Variants in DOK6 observed in about 807,000 individuals in gnomAD.
DOK6 encodes docking protein 6.
A neutral mutation model predicts 44.0 loss-of-function variants in DOK6; 22 were observed. That is an observed-to-expected ratio of 0.50 (90% CI 0.36 to 0.71). The LOEUF (loss-of-function observed/expected upper bound fraction) is 0.71. DOK6 is among the 30% of genes least tolerant of loss of function. DOK6 has a pLI of 0.00. For synonymous variants in DOK6, 166 were observed against 145.5 expected, an observed-to-expected ratio of 1.14 and a Z score of -1.01; for missense variants, 340 against 416.4, an observed-to-expected ratio of 0.82 and a Z score of 1.60.
intron 1 of DOK6, among the ~76,000 whole-genome samples, chr18:69,492,195 T>C (rs138257530): frequency 3.3e-5 from 5 of 152,234 alleles, no homozygotes; most frequent in South Asian, 2.1e-4. Context: ...ATAGGAACCA[T>C]AAAAATCACA....
intron 3 of DOK6, among the ~76,000 whole-genome samples, chr18:69,637,420 T>A (rs1409376217): frequency 6.6e-6 from 1 of 152,228 alleles, no homozygotes; most frequent in Non-Finnish European, 1.5e-5. Context: ...TTTAATTCAG[T>A]GATTACCAAA....
At chr18:69,786,343 G>A (rs1042765980) in intron 7 of DOK6, among the ~76,000 whole-genome samples, 1 of 152,156 alleles carries the variant, frequency 6.6e-6, no homozygotes, top group African/African-American at 2.4e-5. Context: ...TCATATGTTA[G>A]ACTGCTTCCC....
At chr18:69,534,684 G>A (rs1281696721) in intron 1 of DOK6, among the ~76,000 whole-genome samples, 2 of 151,932 alleles carry the variant, frequency 1.3e-5, no homozygotes. Flanking sequence ...AAAGGAGTAT[G>A]CCAGCAGATG....
intron 7 of DOK6, among the ~76,000 whole-genome samples, chr18:69,779,936 CAAATT>C (rs1405252480): frequency 6.6e-6 from 1 of 151,910 alleles, no homozygotes. Context: ...AAAAATAACT[CAAATT>C]CAATCATAGT....
chr18:69,692,249 AT>A (rs1986284654), intron 4 of DOK6, among the ~76,000 whole-genome samples: 1 of 152,196 alleles, frequency 6.6e-6, no homozygotes, highest in African/African-American at 2.4e-5. Context: ...AAAATTATCA[AT>A]TACACCAGTC....
At chr18:69,786,229 A>C (rs1446595906) in intron 7 of DOK6, among the ~76,000 whole-genome samples, 1 of 152,230 alleles carries the variant, frequency 6.6e-6, no homozygotes, top group Non-Finnish European at 1.5e-5. Flanking sequence ...CTATATTCTC[A>C]GAAAACAACC....
Position 69,841,435 on chromosome 18 carries a change from G to A in DOK6, c.*52G>A, listed in dbSNP as rs772314868. 1.2e-5 allele frequency: 19 copies of A among 1,607,814 alleles called. No individual in the cohort carries two copies. The highest frequency in any genetic ancestry group is 6.7e-5 in the Admixed American group (4 of 59,740). On this transcript the variant is annotated 3_prime_UTR_variant, in exon 8 of 8. Coordinates refer to ENST00000382713, the MANE Select transcript of DOK6 (RefSeq NM_152721.6). ...GAGACAGTCTGTCCTGGACCCGTCTGTGGGGTCATTACCCTCTGCCTCCTG... is the reference window on the plus strand; with the variant it reads ...GAGACAGTCTGTCCTGGACCCGTCTATGGGGTCATTACCCTCTGCCTCCTG...
At chr18:69,638,909 T>TTC (rs1984875126) in intron 3 of DOK6, among the ~76,000 whole-genome samples, 1 of 152,216 alleles carries the variant, frequency 6.6e-6, no homozygotes, top group Non-Finnish European at 1.5e-5. Context: ...TTAAAAGTAA[T>TTC]CAATATTAAC....
At chr18:69,409,480 A>T (rs982571765) in intron 1 of DOK6, among the ~76,000 whole-genome samples, 5 of 152,168 alleles carry the variant, frequency 3.3e-5, no homozygotes, top group African/African-American at 1.2e-4. Flanking sequence ...TATATTGAAT[A>T]TGTATGTATT....
chr18:69,566,449 T>C (rs7234063), intron 2 of DOK6, among the ~76,000 whole-genome samples: 145,850 of 152,278 alleles, frequency 0.96, 70,187 homozygotes, highest in East Asian at 1. Flanking sequence ...TTTATTTTTA[T>C]TTACAAATGA....
intron 1 of DOK6, among the ~76,000 whole-genome samples, chr18:69,527,766 T>C (rs764678021): frequency 1.3e-5 from 2 of 152,218 alleles, no homozygotes; most frequent in Non-Finnish European, 2.9e-5. Flanking sequence ...TAACTTCATA[T>C]TTATAAAAAC....
chr18:69,463,705 CTATGTGTG>C (rs1350652810), intron 1 of DOK6, among the ~76,000 whole-genome samples: 2 of 150,920 alleles, frequency 1.3e-5, no homozygotes, highest in African/African-American at 2.4e-5. Context: ...GTGTGTGTGT[CTATGTGTG>C]TATGTGTATG....
In DOK6 at chr18:69,818,003, C is replaced by A. The variant is rs145121059; in HGVS notation, c.857-23241C>A. 3.4e-3 allele frequency among the ~76,000 whole-genome samples: 519 copies of A among 152,314 alleles called. 2 individuals carry two copies. Among genetic ancestry groups the A allele is most frequent in the African/African-American group, 0.012 (488 of 41,574 alleles). On this transcript the variant is annotated intron_variant, in intron 7 of 7. Transcript: ENST00000382713. ...GACTTTCTTAGAGAACTGAGAAACT[C>A]AGGAAGATTCCTTGGGACTCCAAAC...
intron 2 of DOK6, among the ~76,000 whole-genome samples, chr18:69,573,806 C>T (rs1983175548): frequency 1.3e-5 from 2 of 151,874 alleles, no homozygotes; most frequent in African/African-American, 4.8e-5. Context: ...TTAGGACGTA[C>T]ATCTGGTTTT....
chr18:69,737,271 T>C (rs185896749), intron 5 of DOK6, among the ~76,000 whole-genome samples: 1 of 152,318 alleles, frequency 6.6e-6, no homozygotes, highest in Non-Finnish European at 1.5e-5. Flanking sequence ...CTTACCATCA[T>C]GGCAGAAGGT....
Position 69,842,803 on chromosome 18 carries a change from T to C in DOK6, c.*1420T>C, listed in dbSNP as rs1314072635. ...TAAAAATTATCCTGCCTGAATCATC[T>C]GATGCTTTGTGCCTAAGATGGTTAT... On this transcript the variant is annotated 3_prime_UTR_variant, in exon 8 of 8. Transcript: ENST00000382713. 1 of 152,182 alleles carries C rather than the reference T, an allele frequency of 6.6e-6. No individual in the cohort carries two copies. Among genetic ancestry groups the C allele is most frequent in the African/African-American group, 2.4e-5 (1 of 41,452 alleles). 9.4% of individuals were successfully genotyped at this position (152,182 alleles called of 1,614,324 possible).
At chr18:69,433,517 A>C (rs1016862966) in intron 1 of DOK6, among the ~76,000 whole-genome samples, 1 of 152,194 alleles carries the variant, frequency 6.6e-6, no homozygotes, top group Non-Finnish European at 1.5e-5. Flanking sequence ...ATTATTCCAG[A>C]TAGAGATAAA....
intron 1 of DOK6, among the ~76,000 whole-genome samples, chr18:69,472,975 G>A (rs1980158174): frequency 6.6e-6 from 1 of 152,124 alleles, no homozygotes; most frequent in Non-Finnish European, 1.5e-5. Context: ...ACAGTTGCTG[G>A]CATTAGCTTC....
intron 1 of DOK6, among the ~76,000 whole-genome samples, chr18:69,541,902 A>G (rs1982278425): frequency 6.6e-6 from 1 of 151,578 alleles, no homozygotes; most frequent in Admixed American, 6.6e-5. Flanking sequence ...AGCACAAAGA[A>G]AGAGAGCTAT....
Sources: gnomAD v4.1 joint callset for allele counts (sites outside exome capture counted in the v4.1 genomes callset) on GRCh38, gnomAD v4.1.1 for gene constraint, MANE v1.5 for transcripts, NCBI Gene and HGNC (gene_info 2026-07-23, HGNC 2026-07-21) for gene names.